Variants in PNPLA2 observed in about 807,000 individuals in gnomAD.
PNPLA2 encodes the protein patatin-like phospholipase domain-containing protein 2.
A neutral mutation model predicts 39.7 loss-of-function variants in PNPLA2; 28 were observed. The ratio of observed to expected loss-of-function variants is 0.70; its 90% CI spans 0.52 to 0.97. The LOEUF is 0.97. PNPLA2 is among the 50% of genes least tolerant of loss of function. The pLI is 0.00. For synonymous variants in PNPLA2, 392 were observed against 321.1 expected, an observed-to-expected ratio of 1.22 and a Z score of -2.36; for missense variants, 768 against 698.2, an observed-to-expected ratio of 1.10 and a Z score of -1.13.
Position 822,929 on chromosome 11 carries a change from A to G in PNPLA2, c.696+323A>G, listed in dbSNP as rs538075988. Among the ~76,000 whole-genome samples the G allele has an allele frequency of 2.0e-5, 3 of 151,020 alleles. No individual in the cohort carries two copies. The East Asian group carries it at 5.8e-4, about 29-fold the overall frequency. ...AACCTCTGCCTCCAAGGTTCAAGCTATTCTCCTGCCTCAGCCTCCCCATTA... is the reference window on the plus strand; with the variant it reads ...AACCTCTGCCTCCAAGGTTCAAGCTGTTCTCCTGCCTCAGCCTCCCCATTA... On this transcript the variant is annotated intron_variant, in intron 5 of 9. Coordinates refer to ENST00000336615, the MANE Select transcript of PNPLA2 (RefSeq NM_020376.4).
At chr11:822,899 A>T (rs1421637519) in intron 5 of PNPLA2, among the ~76,000 whole-genome samples, 3 of 147,104 alleles carry the variant, frequency 2.0e-5, no homozygotes, top group Non-Finnish European at 4.4e-5. Context: ...ATCTCAGCTC[A>T]CTGCAACCTC....
In PNPLA2 at chr11:823,598, C is replaced by G. The variant is rs749740300; in HGVS notation, c.757+11C>G. On this transcript the variant is annotated intron_variant, in intron 6 of 9. Transcript: ENST00000336615. ...TTCTGCAGCGGAACGGTGCGCGGACCCGGGCGGGAGAGGGCGGGGTGGGCT... is the reference window on the plus strand; with the variant it reads ...TTCTGCAGCGGAACGGTGCGCGGACGCGGGCGGGAGAGGGCGGGGTGGGCT... 1 of 1,609,060 alleles carries G rather than the reference C, an allele frequency of 6.2e-7. No homozygotes were observed. The highest frequency in any genetic ancestry group is 8.5e-7 in the Non-Finnish European group (1 of 1,178,152).
At chr11:819,965 G>T in intron 2 of PNPLA2, 60 bp downstream of exon 2, 1 of 1,233,490 alleles carries the variant, frequency 8.1e-7, no homozygotes, top group South Asian at 2.1e-5. Flanking sequence ...GGGGCCGGGG[G>T]ATGGTCTCCG....
In PNPLA2 at chr11:824,633, T is replaced by G; in HGVS notation, c.1286T>G (p.Leu429Arg). ...LPGWMRNNLS[L>R]GDALAKWEEC... ...GGCTGGATGCGCAACAACCTCTCGC[T>G]GGGGGACGCGCTGGCCAAGTGGGAG... The change falls in exon 10 of 10, where the codon CTG (leucine) becomes CGG (arginine). Residue 429 changes from leucine (L) to arginine (R), a missense_variant. Coordinates refer to ENST00000336615, the MANE Select transcript of PNPLA2 (RefSeq NM_020376.4). The G allele has an allele frequency of 1.3e-6, 2 of 1,597,192 alleles. No homozygotes were observed. The highest frequency in any genetic ancestry group is 1.7e-6 in the Non-Finnish European group (2 of 1,176,936).
At chr11:819,049 C>A (rs540080546) in intron 1 of PNPLA2, 91 bp downstream of exon 1, 1 of 152,482 alleles carries the variant, frequency 6.6e-6, no homozygotes, top group Non-Finnish European at 1.5e-5. Context: ...TGGGGTCCCC[C>A]ACGAAGGGTT....
chr11:822,350 C>T (rs1418691409), intron 4 of PNPLA2, 47 bp from the exon 5 acceptor site: 4 of 1,529,082 alleles, frequency 2.6e-6, no homozygotes, highest in Non-Finnish European at 1.8e-6. Context: ...GTGGCCAGTG[C>T]AGCCACAGGC....
rs199847643 is a variant in PNPLA2 at position 822,519 on chromosome 11, C to T, written c.609C>T (p.His203=). The part of the protein sequence containing the change: ...ICPQDSSTNI[H]ELRVTNTSIQ... ...CGCAGGACAGCTCCACCAACATCCACGAGCTGCGGGTCACCAACACCAGCA... is the reference window on the plus strand; with the variant it reads ...CGCAGGACAGCTCCACCAACATCCATGAGCTGCGGGTCACCAACACCAGCA... The change falls in exon 5 of 10, where the codon CAC becomes CAT. Residue 203 remains histidine, a synonymous_variant. Coordinates refer to ENST00000336615, the MANE Select transcript of PNPLA2 (RefSeq NM_020376.4). 5.6e-6 allele frequency: 9 copies of T among 1,613,980 alleles called. No individual in the cohort carries two copies. The highest frequency in any genetic ancestry group is 2.7e-5 in the African/African-American group (2 of 74,946).
At position 825,048 on chromosome 11, in the gene PNPLA2, C is replaced by T. The variant is rs1486600119; in HGVS notation, c.*186C>T. 9 of 642,170 alleles carry T rather than the reference C, an allele frequency of 1.4e-5. No individual in the cohort carries two copies. Among genetic ancestry groups the T allele is most frequent in the Non-Finnish European group, 2.2e-5 (8 of 357,352 alleles). 39.8% of individuals were successfully genotyped at this position (642,170 alleles called of 1,614,324 possible). ...CCCTGGGCCGCTGAGGCCCCGCGCA[C>T]CTGTGCCTTAATCTTCCCTCCCCTG... On this transcript the variant is annotated 3_prime_UTR_variant, in exon 10 of 10. Transcript: ENST00000336615.
chr11:819,236 G>A (rs952734981), intron 1 of PNPLA2: 1 of 173,616 alleles, frequency 5.8e-6, no homozygotes, highest in East Asian at 1.9e-4. Flanking sequence ...CGGACCCGGT[G>A]GGGAGGGGCG....
Position 824,669 on chromosome 11 carries a change from G to A in PNPLA2, c.1322G>A (p.Arg441His). The A allele has an allele frequency of 6.3e-7, 1 of 1,596,370 alleles. No homozygotes were observed. Among genetic ancestry groups the A allele is most frequent in the Non-Finnish European group, 8.5e-7 (1 of 1,177,588 alleles). ...DALAKWEECQ[R>H]QLLLGLFCTN... ...CTGGCCAAGTGGGAGGAGTGCCAGC[G>A]CCAGCTGCTGCTCGGCCTCTTCTGC... The change falls in exon 10 of 10, where the codon CGC becomes CAC. Residue 441 changes from arginine to histidine, a missense_variant. Transcript: ENST00000336615.
chr11:821,935 C>T (rs774379285), intron 3 of PNPLA2, 23 bp from the exon 4 acceptor site: 4 of 1,613,476 alleles, frequency 2.5e-6, no homozygotes, highest in African/African-American at 2.7e-5. Flanking sequence ...CTCATTCTCT[C>T]CCACTCTGTC....
Position 819,676 on chromosome 11 carries a change from C to T in PNPLA2, c.-43C>T. Reference sequence around the variant, plus strand: ...GCGGCGAGCAGGCGGCTCACAGAGGCCTGGCCGCCCACGGAACCCGGGGCC... The same window carrying T: ...GCGGCGAGCAGGCGGCTCACAGAGGTCTGGCCGCCCACGGAACCCGGGGCC... On this transcript the variant is annotated 5_prime_UTR_variant, in exon 2 of 10. Transcript: ENST00000336615. The T allele has an allele frequency of 6.8e-7, 1 of 1,461,882 alleles. No homozygotes were observed. The highest frequency in any genetic ancestry group is 9.0e-7 in the Non-Finnish European group (1 of 1,105,860). 90.6% of individuals were successfully genotyped at this position (1,461,882 alleles called of 1,614,324 possible).
In PNPLA2 at chr11:822,560, G is replaced by A. The variant is rs761088720; in HGVS notation, c.650G>A (p.Arg217His). The A allele has an allele frequency of 2.2e-5, 36 of 1,613,812 alleles. 1 individual carries two copies. The highest frequency in any genetic ancestry group is 1.2e-4 in the South Asian group (11 of 91,084). Reference protein sequence around the residue: ...VTNTSIQFNLRNLYRLSKALF... With the variant: ...VTNTSIQFNLHNLYRLSKALF... ...AACACCAGCATCCAGTTCAACCTGC[G>A]CAACCTCTACCGCCTCTCCAAGGCC... The change falls in exon 5 of 10, where the codon CGC (arginine) becomes CAC (histidine). Residue 217 changes from arginine to histidine, a missense_variant. Transcript: ENST00000336615.
Position 825,206 on chromosome 11 carries a change from T to C in PNPLA2, c.*344T>C. On this transcript the variant is annotated 3_prime_UTR_variant, in exon 10 of 10. Coordinates refer to ENST00000336615, the MANE Select transcript of PNPLA2 (RefSeq NM_020376.4). ...TTTTCGCCAAAGCACATGTAATAAATGCTGCAGCCCAGCCTCTGCCCACTT... is the reference window on the plus strand; with the variant it reads ...TTTTCGCCAAAGCACATGTAATAAACGCTGCAGCCCAGCCTCTGCCCACTT... 2.5e-6 allele frequency: 1 copy of C among 404,784 alleles called. No individual in the cohort carries two copies. 25.1% of individuals were successfully genotyped at this position (404,784 alleles called of 1,614,324 possible).
rs2133849791 is a variant in PNPLA2 at position 823,865 on chromosome 11, T to G, written c.919+10T>G. 2 of 1,575,936 alleles carry G rather than the reference T, an allele frequency of 1.3e-6. No homozygotes were observed. On this transcript the variant is annotated intron_variant, in intron 7 of 9. Coordinates refer to ENST00000336615, the MANE Select transcript of PNPLA2 (RefSeq NM_020376.4). ...GCCCGGCTCAATGAGGGTGCGCACC[T>G]GGGGGACGGGAGGGGAGGAGGGGAG... is the stretch of plus-strand genomic sequence containing the variant.
At chr11:822,155 T>C in intron 4 of PNPLA2, 132 bp downstream of exon 4, 1 of 874,646 alleles carries the variant, frequency 1.1e-6, no homozygotes, top group Non-Finnish European at 1.9e-6. Context: ...CCTGTGTTAC[T>C]CAAGAAACAG....
At position 824,760 on chromosome 11, in the gene PNPLA2, C is replaced by T. The variant is rs540018341; in HGVS notation, c.1413C>T (p.Pro471=). Residue 471 remains proline, a synonymous_variant, in exon 10 of 10, where the codon CCC becomes CCT. Transcript: ENST00000336615. The part of the protein sequence containing the change: ...MRAPADPAPA[P]ADPASPQHQL... ...CACCCGCCGACCCGGCTCCCGCCCC[C>T]GCGGACCCAGCATCCCCGCAGCACC... 6.4e-7 allele frequency: 1 copy of T among 1,557,936 alleles called. No individual in the cohort carries two copies.
rs965771638 is a variant in PNPLA2 at position 824,963 on chromosome 11, G to A, written c.*101G>A. 8.1e-6 allele frequency: 8 copies of A among 984,252 alleles called. No individual in the cohort carries two copies. In the African/African-American group the frequency reaches 1.5e-4, roughly 18 times the overall value. The allele number at this position is 984,252 out of a possible 1,614,324, so 61.0% of individuals were successfully genotyped here. A position where few individuals can be genotyped will look rare whatever the true frequency, so the allele number is the denominator to read the frequency against. ...TTGCCAAGAGGGGTCTTTGCCGTGGGCCCCCTCGCCAGCCACTCACCAGCT... is the reference window on the plus strand; with the variant it reads ...TTGCCAAGAGGGGTCTTTGCCGTGGACCCCCTCGCCAGCCACTCACCAGCT... On this transcript the variant is annotated 3_prime_UTR_variant, in exon 10 of 10. Coordinates refer to ENST00000336615, the MANE Select transcript of PNPLA2 (RefSeq NM_020376.4).
intron 1 of PNPLA2, 165 bp from the exon 2 acceptor site, chr11:819,409 C>A (rs1040171052): frequency 1.1e-5 from 11 of 974,806 alleles, no homozygotes; most frequent in Non-Finnish European, 1.2e-5. Flanking sequence ...TTTCTCCGGG[C>A]GGCAGCGGAG....
Sources: allele counts gnomAD v4.1 joint callset (sites outside exome capture counted in the v4.1 genomes callset), GRCh38; gene constraint gnomAD v4.1.1; transcripts MANE v1.5; gene names NCBI Gene and HGNC (gene_info 2026-07-23, HGNC 2026-07-21).